Variants in ROBO1 observed in about 807,000 individuals in gnomAD.
The protein encoded by ROBO1 is roundabout guidance receptor 1.
In ROBO1, 149 loss-of-function variants were observed where a neutral mutation model predicts 195.9. That is an observed-to-expected ratio of 0.76 (90% CI 0.67 to 0.87). The LOEUF is 0.87. Among genes scored for constraint, ROBO1 ranks in the 40% least tolerant of loss-of-function variants. ROBO1 has a pLI of 0.00. For missense variants in ROBO1, 1,933 were observed against 2,068.3 expected (o/e 0.93, Z 1.27); for synonymous variants, 816 against 733.2 (o/e 1.11, Z -1.82).
intron 2 of ROBO1, among the ~76,000 whole-genome samples, chr3:79,451,206 A>T (rs904136470): frequency 1.3e-5 from 2 of 152,102 alleles, no homozygotes; most frequent in African/African-American, 2.4e-5. Context: ...TTTCATTAAA[A>T]GCATAATATA....
At chr3:79,455,997 G>A (rs531955963) in intron 2 of ROBO1, among the ~76,000 whole-genome samples, 1 of 152,128 alleles carries the variant, frequency 6.6e-6, no homozygotes, top group African/African-American at 2.4e-5. Context: ...ACCATCTGTT[G>A]AACACCTCTG....
chr3:79,480,975 A>G (rs1938821457), intron 2 of ROBO1, among the ~76,000 whole-genome samples: 1 of 152,086 alleles, frequency 6.6e-6, no homozygotes, highest in Non-Finnish European at 1.5e-5. Flanking sequence ...TTTTTCCTCC[A>G]TACATTTCCT....
Position 78,670,101 on chromosome 3 carries a change from C to T in ROBO1, c.1543G>A (p.Ala515Thr). Residue 515 changes from alanine to threonine, a missense_variant, in exon 11 of 31, where the codon GCT becomes ACT. Coordinates refer to ENST00000464233, the MANE Select transcript of ROBO1 (RefSeq NM_002941.4). ...AAGGTGCCATTCCAAGTTACCTTAG[C>T]ATATCGGATCTGCAGTACTCCATTC... is the stretch of plus-strand genomic sequence containing the variant. ...LENGVLQIRY[A>T]KLGDTGRYTC... 1 of 1,599,652 alleles carries T rather than the reference C, an allele frequency of 6.3e-7. No individual in the cohort carries two copies. The highest frequency in any genetic ancestry group is 8.6e-7 in the Non-Finnish European group (1 of 1,169,150).
At chr3:78,694,071 A>AG (rs2081234851) in intron 8 of ROBO1, among the ~76,000 whole-genome samples, 1 of 152,208 alleles carries the variant, frequency 6.6e-6, no homozygotes, top group African/African-American at 2.4e-5. Flanking sequence ...AAAAGTGAAT[A>AG]AATTACAAGA....
rs76880412 is a variant in ROBO1, at chr3:78,659,918, C to CTTTTT, written c.2321-116_2321-112dup. On this transcript the variant is annotated intron_variant, in intron 16 of 30. Coordinates refer to ENST00000464233, the MANE Select transcript of ROBO1 (RefSeq NM_002941.4). ...TGTATTAATACTATATCAATATATGCTTTTTTTTTTTTTTTTTTTTGAGAC... is the reference window on the plus strand; with the variant it reads ...TGTATTAATACTATATCAATATATGCTTTTTTTTTTTTTTTTTTTTTTTTTGAGAC... 56 of 406,066 alleles carry CTTTTT rather than the reference C, an allele frequency of 1.4e-4. 1 individual carries two copies. Among genetic ancestry groups the CTTTTT allele is most frequent in the African/African-American group, 9.3e-4 (32 of 34,386 alleles). 25.2% of individuals were successfully genotyped at this position (406,066 alleles called of 1,614,324 possible).
At chr3:78,809,835 T>A (rs1433931660) in intron 4 of ROBO1, among the ~76,000 whole-genome samples, 4 of 151,932 alleles carry the variant, frequency 2.6e-5, no homozygotes, top group Admixed American at 2.6e-4. Context: ...CACCGAAGCC[T>A]CTTGAGGGTG....
chr3:79,264,509 T>C (rs777854310), intron 2 of ROBO1, among the ~76,000 whole-genome samples: 7 of 151,954 alleles, frequency 4.6e-5, no homozygotes, highest in East Asian at 1.9e-4. Context: ...CTGGCTCTTA[T>C]TACATTTCAA....
At chr3:78,961,730 T>C (rs1010372448) in intron 3 of ROBO1, among the ~76,000 whole-genome samples, 2 of 152,160 alleles carry the variant, frequency 1.3e-5, no homozygotes, top group African/African-American at 4.8e-5. Flanking sequence ...TAAACTATAA[T>C]GTAAAATAGT....
chr3:79,623,599 T>C (rs1945078888), intron 1 of ROBO1, among the ~76,000 whole-genome samples: 1 of 151,882 alleles, frequency 6.6e-6, no homozygotes, highest in Non-Finnish European at 1.5e-5. Flanking sequence ...GATATCAGAG[T>C]TGGAAGACTG....
intron 4 of ROBO1, among the ~76,000 whole-genome samples, chr3:78,790,062 A>G (rs555659606): frequency 7.2e-4 from 110 of 152,300 alleles, no homozygotes; most frequent in Non-Finnish European, 1.1e-3. Flanking sequence ...TCCACATACC[A>G]TGAACCTTGA....
chr3:78,893,414 C>T (rs2107390535), intron 4 of ROBO1, among the ~76,000 whole-genome samples: 1 of 152,236 alleles, frequency 6.6e-6, no homozygotes, highest in South Asian at 2.1e-4. Flanking sequence ...CCAGAGCAGC[C>T]CTCAACAAGT....
chr3:78,635,136 G>A (rs1380133404), intron 23 of ROBO1, among the ~76,000 whole-genome samples: 2 of 152,026 alleles, frequency 1.3e-5, no homozygotes, highest in Non-Finnish European at 2.9e-5. Context: ...TTACAATACA[G>A]AAACATTTCC....
intron 2 of ROBO1, among the ~76,000 whole-genome samples, chr3:79,339,244 T>C (rs1393022446): frequency 2.0e-5 from 3 of 152,212 alleles, no homozygotes; most frequent in Admixed American, 2.0e-4. Flanking sequence ...TGAGCAGGTT[T>C]AAATGTAAAT....
intron 28 of ROBO1, among the ~76,000 whole-genome samples, chr3:78,611,740 C>T (rs1216703787): frequency 6.6e-6 from 1 of 152,160 alleles, no homozygotes; most frequent in Non-Finnish European, 1.5e-5. Context: ...TATTTGGAGT[C>T]TTTAAAGAGG....
intron 2 of ROBO1, among the ~76,000 whole-genome samples, chr3:79,255,510 G>A (rs534231300): frequency 5.3e-5 from 8 of 152,248 alleles, no homozygotes; most frequent in East Asian, 3.9e-4. Context: ...CTGAATCAGC[G>A]TGTAATGGCT....
At chr3:78,620,238 A>C (rs1704373409) in intron 26 of ROBO1, among the ~76,000 whole-genome samples, 1 of 151,846 alleles carries the variant, frequency 6.6e-6, no homozygotes, top group Admixed American at 6.6e-5. Flanking sequence ...AAACGTTTTC[A>C]AGCTGGGCTT....
At chr3:78,693,799 C>A (rs1446596622) in intron 8 of ROBO1, among the ~76,000 whole-genome samples, 1 of 152,094 alleles carries the variant, frequency 6.6e-6, no homozygotes, top group Non-Finnish European at 1.5e-5. Context: ...ATCATCAGTT[C>A]AATTTTTGAA....
Position 78,639,811 on chromosome 3 carries a change from GCAGT to G in ROBO1, c.2966_2969del (p.Asp989AlafsTer27). On this transcript the variant is annotated frameshift_variant, in exon 22 of 31. Transcript: ENST00000464233. LOFTEE classifies it high-confidence loss of function. ...TGCCTGCCGTGCAGCAGCTGATGGA[GCAGT>G]CATTGTGGTTGTTGCCAGTATTAGG... The G allele has an allele frequency of 6.2e-7, 1 of 1,613,632 alleles. No individual in the cohort carries two copies. The highest frequency in any genetic ancestry group is 8.5e-7 in the Non-Finnish European group (1 of 1,179,682).
intron 4 of ROBO1, among the ~76,000 whole-genome samples, chr3:78,845,380 T>C (rs1485815376): frequency 6.6e-6 from 1 of 152,080 alleles, no homozygotes; most frequent in Non-Finnish European, 1.5e-5. Context: ...AAAGTGATTG[T>C]ACCTTTTTCC....
Sources: allele counts gnomAD v4.1 joint callset (sites outside exome capture counted in the v4.1 genomes callset), GRCh38; gene constraint gnomAD v4.1.1; transcripts MANE v1.5; gene names NCBI Gene and HGNC (gene_info 2026-07-23, HGNC 2026-07-21).